The following HK1 variants were observed in gnomAD, a reference collection of about 807,000 sequenced individuals.
HK1 encodes hexokinase 1.
HK1 carries 28 observed loss-of-function variants against 91.6 expected under a neutral mutation model. That is an observed-to-expected ratio of 0.31 (90% CI 0.23 to 0.42). The LOEUF (loss-of-function observed/expected upper bound fraction) is 0.42. Ranked by LOEUF, HK1 falls within the 10% of genes least tolerant of loss-of-function variation. The pLI, the probability that HK1 is intolerant of heterozygous loss-of-function variation, is 1.00. For missense variants in HK1, 770 were observed against 1,219.8 expected (o/e 0.63, Z 5.49); for synonymous variants, 430 against 468.1 (o/e 0.92, Z 1.05).
chr10:69,308,717 T>C (rs1310125496), intron 5 of HK1, among the ~76,000 whole-genome samples: 1 of 152,206 alleles, frequency 6.6e-6, no homozygotes, highest in Admixed American at 6.5e-5. Context: ...TGCTTCTCTT[T>C]CTTTTTCTGA....
At chr10:69,337,008 G>T (rs1848027393) in intron 1 of HK1, among the ~76,000 whole-genome samples, 1 of 152,100 alleles carries the variant, frequency 6.6e-6, no homozygotes, top group South Asian at 2.1e-4. Flanking sequence ...TGTCACTTAG[G>T]GATGGGAGGG....
At chr10:69,358,428 T>C (rs1849242867) in intron 2 of HK1, among the ~76,000 whole-genome samples, 1 of 152,228 alleles carries the variant, frequency 6.6e-6, no homozygotes. Context: ...ACCAGTACTT[T>C]GGCCACTGGT....
intron 14 of HK1, among the ~76,000 whole-genome samples, chr10:69,390,899 T>A (rs990273782): frequency 6.6e-6 from 1 of 152,212 alleles, no homozygotes; most frequent in Non-Finnish European, 1.5e-5. Context: ...GGTTTTTAAA[T>A]GTCCAGTCTA....
intron 1 of HK1, among the ~76,000 whole-genome samples, chr10:69,337,455 A>G (rs946366588): frequency 1.3e-5 from 2 of 152,188 alleles, no homozygotes; most frequent in African/African-American, 4.8e-5. Context: ...CCACAAGCTC[A>G]TTTCACTTCT....
At chr10:69,377,153 G>A (rs1270239184) in intron 8 of HK1, 64 bp downstream of exon 8, 5 of 1,588,900 alleles carry the variant, frequency 3.1e-6, no homozygotes, top group Non-Finnish European at 4.3e-6. Flanking sequence ...TTGGTCCCTT[G>A]TTACTTCTTG....
intron 16 of HK1, among the ~76,000 whole-genome samples, chr10:69,398,197 A>T (rs943503229): frequency 6.6e-6 from 1 of 152,218 alleles, no homozygotes; most frequent in African/African-American, 2.4e-5. Context: ...CCCTAGAGGG[A>T]ATACTGCAGC....
rs1201923126 is a variant in HK1, at chr10:69,394,832, TG to T, written c.2220-116del. ...GCGGCAGAGCACAGGGCTGGGCACA[TG>T]GCTGTTGATGATGCGCTTGAGGGGC... On this transcript the variant is annotated intron_variant, in intron 15 of 17. Transcript: ENST00000359426. The T allele has an allele frequency of 6.3e-5, 62 of 987,644 alleles. No homozygotes were observed. The African/African-American group carries it at 9.5e-4, about 15-fold the overall frequency. The allele number at this position is 987,644 out of a possible 1,614,324, so 61.2% of individuals were successfully genotyped here. A position where few individuals can be genotyped will look rare whatever the true frequency, so the allele number is the denominator to read the frequency against.
intron 3 of HK1, among the ~76,000 whole-genome samples, chr10:69,292,714 G>A (rs1040647390): frequency 6.6e-5 from 10 of 152,120 alleles, no homozygotes; most frequent in African/African-American, 2.4e-4. Flanking sequence ...CTCAGTATTC[G>A]TATTCGTATT....
chr10:69,396,079 C>T (rs10762291), intron 16 of HK1, among the ~76,000 whole-genome samples: 49,152 of 151,666 alleles, frequency 0.32, 8,378 homozygotes, highest in South Asian at 0.47. Context: ...CGAGACCAGC[C>T]TGGTTAACAT....
chr10:69,355,206 T>C (rs534732251), intron 2 of HK1, among the ~76,000 whole-genome samples: 1 of 152,280 alleles, frequency 6.6e-6, no homozygotes, highest in African/African-American at 2.4e-5. Flanking sequence ...CAAACACCAT[T>C]GTAAGTTCCA....
intron 5 of HK1, among the ~76,000 whole-genome samples, chr10:69,307,573 T>C (rs1846163177): frequency 6.6e-6 from 1 of 152,192 alleles, no homozygotes; most frequent in African/African-American, 2.4e-5. Context: ...TTGGCTTGGA[T>C]CCCAGCTTTT....
chr10:69,360,226 C>A (rs920619128), intron 3 of HK1, among the ~76,000 whole-genome samples, 181 bp downstream of exon 3: 1 of 152,192 alleles, frequency 6.6e-6, no homozygotes, highest in African/African-American at 2.4e-5. Context: ...TGCATGGGGG[C>A]CCTGCTTAAA....
intron 15 of HK1, among the ~76,000 whole-genome samples, chr10:69,393,983 A>G (rs768879487): frequency 3.3e-5 from 5 of 152,222 alleles, no homozygotes; most frequent in South Asian, 2.1e-4. Flanking sequence ...ACATGTCAGC[A>G]CCAAACTGGG....
chr10:69,386,494 A>G, intron 13 of HK1, 76 bp downstream of exon 13: 1 of 1,228,474 alleles, frequency 8.1e-7, no homozygotes, highest in East Asian at 2.6e-5. Context: ...CCTGTTGTAA[A>G]GAATTCAGGC....
intron 1 of HK1, chr10:69,338,157 T>C (rs770657434): frequency 1.8e-5 from 15 of 840,148 alleles, no homozygotes; most frequent in Non-Finnish European, 2.2e-5. Context: ...GCCCCCTTGG[T>C]CCACAAGAAG....
chr10:69,341,168 C>CT (rs531762393), intron 1 of HK1, among the ~76,000 whole-genome samples: 17 of 147,936 alleles, frequency 1.1e-4, no homozygotes, highest in African/African-American at 2.5e-4. Flanking sequence ...TTCTTTCTTT[C>CT]TTTTTTTTTT....
chr10:69,303,861 G>A (rs1361824313), intron 5 of HK1, among the ~76,000 whole-genome samples: 1 of 152,222 alleles, frequency 6.6e-6, no homozygotes, highest in Admixed American at 6.5e-5. Flanking sequence ...GGGGATTGGA[G>A]TTTTAAGGAT....
chr10:69,345,716 C>A (rs1440270517), intron 2 of HK1, among the ~76,000 whole-genome samples: 1 of 152,160 alleles, frequency 6.6e-6, no homozygotes, highest in East Asian at 1.9e-4. Context: ...GGGCCCTGCT[C>A]TCAAGCCAGC....
intron 4 of HK1, among the ~76,000 whole-genome samples, chr10:69,366,245 C>T (rs556478267): frequency 6.6e-6 from 1 of 152,304 alleles, no homozygotes; most frequent in South Asian, 2.1e-4. Context: ...CTCAGAGGGG[C>T]TAAGAACCTG....
Sources: gnomAD v4.1 joint callset for allele counts (sites outside exome capture counted in the v4.1 genomes callset) on GRCh38, gnomAD v4.1.1 for gene constraint, MANE v1.5 for transcripts, NCBI Gene and HGNC (gene_info 2026-07-23, HGNC 2026-07-21) for gene names.